TGFBR3: variants seen among roughly 807,000 people sequenced by gnomAD.
TGFBR3 encodes transforming growth factor beta receptor 3, also known as transforming growth factor beta receptor type 3.
Under a neutral mutation model 87.9 loss-of-function variants are expected in TGFBR3, and 46 were observed. That is an observed-to-expected ratio of 0.52 (90% CI 0.41 to 0.67). TGFBR3 has a LOEUF of 0.67. Among genes scored for constraint, TGFBR3 ranks in the 30% least tolerant of loss-of-function variants. The pLI is 0.00. For synonymous variants in TGFBR3, 381 were observed against 391.6 expected (o/e 0.97, Z 0.32); for missense variants, 866 against 1,041.9 (o/e 0.83, Z 2.32).
At chr1:91,717,848 A>T (rs1457948752) in intron 10 of TGFBR3, among the ~76,000 whole-genome samples, 1 of 150,864 alleles carries the variant, frequency 6.6e-6, no homozygotes, top group Admixed American at 6.6e-5. Flanking sequence ...GGATCATTAC[A>T]TGCCTTTCTC....
chr1:91,800,330 A>ATGTGTGTGTGTG lies in TGFBR3; in HGVS notation c.62-2871_62-2860dup, dbSNP rs371979320. Among the ~76,000 whole-genome samples the ATGTGTGTGTGTG allele has an allele frequency of 3.7e-4, 51 of 136,260 alleles. 1 individual carries two copies. The highest frequency in any genetic ancestry group is 2.6e-3 in the East Asian group (11 of 4,250). The allele number at this position is 136,260 out of a possible 152,430, so 89.4% of individuals were successfully genotyped here. On this transcript the variant is annotated intron_variant, in intron 2 of 16. Coordinates refer to ENST00000212355, the MANE Select transcript of TGFBR3 (RefSeq NM_003243.5). ...TGCATATATGTATATATATGTGTAT[A>ATGTGTGTGTGTG]TGTGTGTGTGTGTGTGTGTGTGTGT...
At chr1:91,724,207 G>A (rs563617119) in intron 7 of TGFBR3, among the ~76,000 whole-genome samples, 1 of 152,054 alleles carries the variant, frequency 6.6e-6, no homozygotes, top group African/African-American at 2.4e-5. Flanking sequence ...AACTCCTTAG[G>A]GTAAAGAAGG....
chr1:91,837,344 T>C (rs2996482), intron 2 of TGFBR3, among the ~76,000 whole-genome samples: 114,309 of 152,032 alleles, frequency 0.75, 44,001 homozygotes, highest in East Asian at 0.96. Context: ...CTCGTGGGTT[T>C]AAGCAATTCT....
At chr1:91,871,702 G>A (rs1269561369) in intron 1 of TGFBR3, among the ~76,000 whole-genome samples, 1 of 152,154 alleles carries the variant, frequency 6.6e-6, no homozygotes, top group Non-Finnish European at 1.5e-5. Context: ...TGGGAATAGT[G>A]AGTGCAAAGG....
At chr1:91,850,549 G>A (rs553238576) in intron 2 of TGFBR3, among the ~76,000 whole-genome samples, 28 of 152,276 alleles carry the variant, frequency 1.8e-4, no homozygotes, top group Admixed American at 8.5e-4. Context: ...GGGAGGCTAA[G>A]GTGGGCAGAT....
At chr1:91,768,081 G>T (rs1230022112) in intron 3 of TGFBR3, among the ~76,000 whole-genome samples, 1 of 151,978 alleles carries the variant, frequency 6.6e-6, no homozygotes, top group Non-Finnish European at 1.5e-5. Flanking sequence ...GTGTGGTGGC[G>T]CATGCCTGTA....
chr1:91,847,001 C>T (rs1051373415), intron 2 of TGFBR3, among the ~76,000 whole-genome samples: 3 of 152,170 alleles, frequency 2.0e-5, no homozygotes, highest in African/African-American at 7.2e-5. Flanking sequence ...GCAGAATGAC[C>T]ACCACCTGAG....
Position 91,680,577 on chromosome 1 carries a change from AG to A in TGFBR3, c.*3161del, listed in dbSNP as rs1196331854. On this transcript the variant is annotated 3_prime_UTR_variant, in exon 17 of 17. Coordinates refer to ENST00000212355, the MANE Select transcript of TGFBR3 (RefSeq NM_003243.5). ...CATTCAGGAAAAACCAGAAGAGAGAAGTATTGTATTTGGAAACTGATAATAG... is the reference window on the plus strand; with the variant it reads ...CATTCAGGAAAAACCAGAAGAGAGAATATTGTATTTGGAAACTGATAATAG... 2 of 454,116 alleles carry A rather than the reference AG, an allele frequency of 4.4e-6. No homozygotes were observed. The allele number at this position is 454,116 out of a possible 1,614,324, so 28.1% of individuals were successfully genotyped here.
chr1:91,886,893 GGCAACGTCCTAAGTACCTGTGCCTGT>G (rs1284152961), upstream of TGFBR3, among the ~76,000 whole-genome samples: 1 of 152,084 alleles, frequency 6.6e-6, no homozygotes, highest in Non-Finnish European at 1.5e-5. Context: ...GTCTCGGCGG[GGCAACGTCCTAAGTACCTGTGCCTGT>G]GCGACGTCCT....
intron 3 of TGFBR3, among the ~76,000 whole-genome samples, chr1:91,782,104 C>A (rs939060159): frequency 6.6e-6 from 1 of 152,128 alleles, no homozygotes; most frequent in Non-Finnish European, 1.5e-5. Context: ...CATGGGCTGA[C>A]AACATACCGA....
chr1:91,848,008 T>C (rs1677571801), intron 2 of TGFBR3, among the ~76,000 whole-genome samples: 1 of 152,168 alleles, frequency 6.6e-6, no homozygotes, highest in Admixed American at 6.6e-5. Flanking sequence ...AAGATGCACC[T>C]GGTTTCTGCA....
intron 1 of TGFBR3, 33 bp downstream of exon 1, chr1:91,885,830 CCACAGCCCGGGCGGG>C: frequency 3.2e-6 from 1 of 308,180 alleles, no homozygotes; most frequent in Non-Finnish European, 6.3e-6. Context: ...CCTGCAGAGC[CCACAGCCCGGGCGGG>C]CTGCAGCGCC....
intron 1 of TGFBR3, among the ~76,000 whole-genome samples, chr1:91,864,905 T>C (rs1463664463): frequency 1.3e-5 from 2 of 152,168 alleles, no homozygotes; most frequent in African/African-American, 4.8e-5. Context: ...ATGCTTTCTT[T>C]AGAAATATGG....
At chr1:91,792,095 G>A (rs1051105146) in intron 3 of TGFBR3, among the ~76,000 whole-genome samples, 2 of 152,348 alleles carry the variant, frequency 1.3e-5, no homozygotes, top group Admixed American at 6.5e-5. Context: ...CCACATGTGT[G>A]ATTAACCACA....
chr1:91,878,454 C>T (rs1017698208), intron 1 of TGFBR3, among the ~76,000 whole-genome samples: 2 of 152,116 alleles, frequency 1.3e-5, no homozygotes, highest in African/African-American at 4.8e-5. Flanking sequence ...CAAAAGGGAC[C>T]CTTTTCACTT....
rs1044236984 is a variant in TGFBR3, at chr1:91,712,164, G to C, written c.2166+79C>G. The C allele has an allele frequency of 3.7e-4, 508 of 1,374,298 alleles. 1 individual carries two copies. The highest frequency in any genetic ancestry group is 4.1e-4 in the Non-Finnish European group (399 of 981,682). The allele number at this position is 1,374,298 out of a possible 1,614,324, so 85.1% of individuals were successfully genotyped here. ...GTTCCAAAACAAAAAACCTCAACCT[G>C]CAAGACCTTGGGATTAAACTTTTCT... On this transcript the variant is annotated intron_variant, in intron 13 of 16. Transcript: ENST00000212355.
intron 3 of TGFBR3, among the ~76,000 whole-genome samples, chr1:91,762,792 G>C (rs1218473095): frequency 6.6e-6 from 1 of 152,202 alleles, no homozygotes; most frequent in Non-Finnish European, 1.5e-5. Context: ...GCAGTTACCT[G>C]TGCAATGCAA....
At chr1:91,736,909 C>T (rs1349433191) in intron 4 of TGFBR3, among the ~76,000 whole-genome samples, 1 of 152,182 alleles carries the variant, frequency 6.6e-6, no homozygotes, top group Non-Finnish European at 1.5e-5. Flanking sequence ...ACACAGAGTA[C>T]GTTTTTCAGA....
At chr1:91,730,205 C>T (rs1672716656) in intron 5 of TGFBR3, among the ~76,000 whole-genome samples, 1 of 152,164 alleles carries the variant, frequency 6.6e-6, no homozygotes, top group Non-Finnish European at 1.5e-5. Flanking sequence ...TTGGCTAAAT[C>T]TTCTCCTTGC....
Sources: gnomAD v4.1 joint callset for allele counts (sites outside exome capture counted in the v4.1 genomes callset) on GRCh38, gnomAD v4.1.1 for gene constraint, MANE v1.5 for transcripts, NCBI Gene and HGNC (gene_info 2026-07-23, HGNC 2026-07-21) for gene names.